Variants in PCCA observed in about 807,000 individuals in gnomAD.
PCCA encodes the protein propionyl-CoA carboxylase subunit alpha.
PCCA carries 74 observed loss-of-function variants against 101.3 expected under a neutral mutation model. The observed-to-expected ratio is 0.73, with a 90% CI of 0.61 to 0.89. The LOEUF (loss-of-function observed/expected upper bound fraction) is 0.89. PCCA is among the 40% of genes least tolerant of loss of function. The pLI is 0.00. For missense variants in PCCA, 891 were observed against 907.0 expected (o/e 0.98, Z 0.23); for synonymous variants, 294 against 313.6 (o/e 0.94, Z 0.66).
intron 17 of PCCA, among the ~76,000 whole-genome samples, chr13:100,338,598 G>A (rs907070095): frequency 6.6e-6 from 1 of 151,524 alleles, no homozygotes; most frequent in Non-Finnish European, 1.5e-5. Flanking sequence ...CTTATATAGA[G>A]TAATTATGTA....
chr13:100,268,827 A>G (rs1200945616), intron 11 of PCCA, 44 bp downstream of exon 11: 2 of 1,254,100 alleles, frequency 1.6e-6, no homozygotes, highest in Admixed American at 3.4e-5. Context: ...GCTTTTATGC[A>G]TTTCATTCAT....
chr13:100,341,979 A>ATATATATG (rs966272516), intron 18 of PCCA, among the ~76,000 whole-genome samples: 5 of 114,530 alleles, frequency 4.4e-5, no homozygotes, highest in Admixed American at 1.8e-4. Flanking sequence ...ATATATATAT[A>ATATATATG]TATGTATTTA....
intron 22 of PCCA, among the ~76,000 whole-genome samples, chr13:100,524,307 T>C (rs912176149): frequency 2.0e-5 from 3 of 152,060 alleles, no homozygotes; most frequent in Non-Finnish European, 4.4e-5. Context: ...TGACATTTGG[T>C]TTGTACATTT....
chr13:100,174,055 A>G (rs535626081), intron 6 of PCCA, among the ~76,000 whole-genome samples: 1 of 152,152 alleles, frequency 6.6e-6, no homozygotes, highest in East Asian at 1.9e-4. Flanking sequence ...GGACTAATAC[A>G]TAATGATTCC....
intron 2 of PCCA, 121 bp downstream of exon 2, chr13:100,103,081 A>C (rs76724409): frequency 2.8e-6 from 2 of 702,502 alleles, no homozygotes; most frequent in Admixed American, 2.1e-5. Flanking sequence ...GTCATTGATC[A>C]CTCTAGCATT....
chr13:100,501,871 C>CTAAATAAATAAATAAATAAA lies in PCCA; in HGVS notation c.1900-13555_1900-13554insAAATAAATAAATAAATAAAT, dbSNP rs554849408. Among the ~76,000 whole-genome samples, 650 of 140,700 alleles carry CTAAATAAATAAATAAATAAA rather than the reference C, an allele frequency of 4.6e-3. 7 individuals are homozygous for CTAAATAAATAAATAAATAAA. The highest frequency in any genetic ancestry group is 0.03 in the East Asian group (144 of 4,792). The allele number at this position is 140,700 out of a possible 152,430, so 92.3% of individuals were successfully genotyped here. The stretch of plus-strand genomic sequence containing the variant: ...CCTGGGCAACAGAGGGACACTCCTT[C>CTAAATAAATAAATAAATAAA]TCAATAAATAAATAAATAAATAAAT... On this transcript the variant is annotated intron_variant, in intron 21 of 23. Coordinates refer to ENST00000376285, the MANE Select transcript of PCCA (RefSeq NM_000282.4).
intron 6 of PCCA, among the ~76,000 whole-genome samples, chr13:100,186,744 A>AAAAAAAAAAC (rs1440286913): frequency 2.6e-5 from 4 of 151,556 alleles, no homozygotes; most frequent in African/African-American, 9.7e-5. Flanking sequence ...ATCTCAAAAA[A>AAAAAAAAAAC]AAAACAAAAA....
At chr13:100,131,265 T>G (rs1249729737) in intron 4 of PCCA, among the ~76,000 whole-genome samples, 2 of 152,310 alleles carry the variant, frequency 1.3e-5, no homozygotes, top group East Asian at 3.9e-4. Context: ...TGTCAGATGT[T>G]CCTTCGAAAG....
chr13:100,159,084 C>CTTTT (rs11350199), intron 6 of PCCA, among the ~76,000 whole-genome samples: 1 of 58,170 alleles, frequency 1.7e-5, no homozygotes, highest in Non-Finnish European at 2.8e-5. Context: ...AAAATGCTGC[C>CTTTT]TTTTTTTTTT....
chr13:100,342,333 G>A (rs914733470), intron 18 of PCCA, among the ~76,000 whole-genome samples: 1 of 150,932 alleles, frequency 6.6e-6, no homozygotes, highest in African/African-American at 2.4e-5. Flanking sequence ...GTGCGATCTC[G>A]GCTCACTGCA....
At chr13:100,450,054 T>G (rs528495886) in intron 21 of PCCA, among the ~76,000 whole-genome samples, 1 of 152,332 alleles carries the variant, frequency 6.6e-6, no homozygotes, top group South Asian at 2.1e-4. Flanking sequence ...ATAATTAGTA[T>G]TAGTTACTAT....
chr13:100,461,914 T>C (rs991468585), intron 21 of PCCA, among the ~76,000 whole-genome samples: 2 of 152,212 alleles, frequency 1.3e-5, no homozygotes, highest in African/African-American at 4.8e-5. Flanking sequence ...TCTAGTCTGT[T>C]TACCCTCAAC....
intron 22 of PCCA, chr13:100,527,183 A>G (rs1277187969): frequency 2.4e-6 from 1 of 409,470 alleles, no homozygotes; most frequent in East Asian, 7.2e-5. Context: ...CGGTGGTTTC[A>G]GTCAATTCAG....
chr13:100,355,981 G>C (rs778022271), intron 18 of PCCA, among the ~76,000 whole-genome samples: 12 of 152,160 alleles, frequency 7.9e-5, no homozygotes, highest in Admixed American at 3.3e-4. Context: ...ACAGTCAATT[G>C]AGTTCAGTAA....
intron 10 of PCCA, among the ~76,000 whole-genome samples, chr13:100,267,167 T>A (rs2062992562): frequency 6.6e-6 from 1 of 152,190 alleles, no homozygotes; most frequent in Non-Finnish European, 1.5e-5. Flanking sequence ...CTGAGAATTC[T>A]TGGTTATTTT....
chr13:100,340,110 TTAAAA>T (rs768233036), intron 17 of PCCA, 42 bp from the exon 18 acceptor site: 2 of 1,022,274 alleles, frequency 2.0e-6, no homozygotes, highest in African/African-American at 1.6e-5. Context: ...AGCACAGATG[TTAAAA>T]TAAATGATTG....
intron 8 of PCCA, among the ~76,000 whole-genome samples, chr13:100,255,452 A>G (rs1400513935): frequency 6.6e-6 from 1 of 152,190 alleles, no homozygotes; most frequent in Admixed American, 6.5e-5. Flanking sequence ...GGAACCAGAA[A>G]AACTGCAAAT....
At chr13:100,254,066 G>A (rs747933984) in intron 8 of PCCA, among the ~76,000 whole-genome samples, 3 of 151,994 alleles carry the variant, frequency 2.0e-5, no homozygotes, top group African/African-American at 4.8e-5. Context: ...CATGGTGGAC[G>A]GTGAATTAAG....
intron 21 of PCCA, among the ~76,000 whole-genome samples, chr13:100,460,771 T>C (rs989112180): frequency 6.6e-6 from 1 of 152,228 alleles, no homozygotes; most frequent in African/African-American, 2.4e-5. Context: ...TAAGCACTTA[T>C]GAAGTAACAG....
Sources: gnomAD v4.1 joint callset for allele counts (sites outside exome capture counted in the v4.1 genomes callset) on GRCh38, gnomAD v4.1.1 for gene constraint, MANE v1.5 for transcripts, NCBI Gene and HGNC (gene_info 2026-07-23, HGNC 2026-07-21) for gene names.